Variants in RNMT observed in about 807,000 individuals in gnomAD.
RNMT encodes the protein mRNA cap guanine-N(7) methyltransferase.
A neutral mutation model predicts 56.0 loss-of-function variants in RNMT; 27 were observed. The observed-to-expected ratio is 0.48, with a 90% CI of 0.36 to 0.67. The LOEUF (loss-of-function observed/expected upper bound fraction) is 0.67. Ranked by LOEUF, RNMT falls within the 30% of genes least tolerant of loss-of-function variation. The pLI is 0.00. For synonymous variants in RNMT, 184 were observed against 176.2 expected, an observed-to-expected ratio of 1.04 and a Z score of -0.35; for missense variants, 519 against 552.1, an observed-to-expected ratio of 0.94 and a Z score of 0.60.
intron 10 of RNMT, 52 bp from the exon 11 acceptor site, chr18:13,754,062 G>T: frequency 9.8e-7 from 1 of 1,022,104 alleles, no homozygotes; most frequent in Non-Finnish European, 1.5e-6. Context: ...ATAAGCATAT[G>T]TTTACTTCCA....
At chr18:13,745,678 G>C (rs750206492) in intron 8 of RNMT, among the ~76,000 whole-genome samples, 4 of 149,838 alleles carry the variant, frequency 2.7e-5, no homozygotes, top group Non-Finnish European at 6.0e-5. Context: ...CGATAGCTGG[G>C]GGGTGGAAGT....
chr18:13,730,983 T>G (rs991876079), intron 2 of RNMT, among the ~76,000 whole-genome samples: 1 of 152,242 alleles, frequency 6.6e-6, no homozygotes, highest in East Asian at 1.9e-4. Flanking sequence ...TGAATAAGAT[T>G]ATAGAATTTT....
rs2044066657 is a variant in RNMT, at chr18:13,731,458, A to AT, written c.-42-11dup. On this transcript the variant is annotated splice_polypyrimidine_tract_variant and intron_variant, in intron 2 of 11. Coordinates refer to ENST00000383314, the MANE Select transcript of RNMT (RefSeq NM_003799.3). ...GTCTTAGTGTTTACAAGTAATACCA[A>AT]TTTTTTTCCTATTCTAGTGTTGGTT... 4.7e-5 allele frequency: 66 copies of AT among 1,393,750 alleles called. No individual in the cohort carries two copies. Among genetic ancestry groups the AT allele is most frequent in the Middle Eastern group, 1.9e-4 (1 of 5,402 alleles). The allele number at this position is 1,393,750 out of a possible 1,614,324, so 86.3% of individuals were successfully genotyped here.
intron 1 of RNMT, among the ~76,000 whole-genome samples, chr18:13,729,054 A>T (rs528375163): frequency 6.6e-4 from 101 of 152,332 alleles, no homozygotes; most frequent in African/African-American, 2.4e-3. Context: ...TGCCCAGACC[A>T]GTGTCTTGAA....
At chr18:13,743,586 C>T (rs1180979218) in intron 8 of RNMT, among the ~76,000 whole-genome samples, 1 of 151,960 alleles carries the variant, frequency 6.6e-6, no homozygotes, top group Non-Finnish European at 1.5e-5. Context: ...GGCTTCAAGG[C>T]CTTGTGATAC....
At chr18:13,751,026 A>G (rs191140240) in intron 9 of RNMT, among the ~76,000 whole-genome samples, 92 of 152,324 alleles carry the variant, frequency 6.0e-4, no homozygotes, top group African/African-American at 2.0e-3. Flanking sequence ...AAGAAAACCT[A>G]GGCAATACCA....
At chr18:13,742,371 T>A (rs1215313249) in intron 7 of RNMT, 117 bp from the exon 8 acceptor site, 5 of 905,068 alleles carry the variant, frequency 5.5e-6, no homozygotes, top group Non-Finnish European at 8.4e-6. Context: ...CAGATATAAT[T>A]AAAAGGCTAA....
At chr18:13,754,033 C>T (rs2044501343) in intron 10 of RNMT, 81 bp from the exon 11 acceptor site, 4 of 762,078 alleles carry the variant, frequency 5.2e-6, no homozygotes, top group Non-Finnish European at 8.9e-6. Flanking sequence ...TTTTGGCCAT[C>T]TCTGCCCATT....
intron 8 of RNMT, among the ~76,000 whole-genome samples, chr18:13,743,490 T>G (rs1390779707): frequency 6.6e-6 from 1 of 152,140 alleles, no homozygotes; most frequent in East Asian, 1.9e-4. Flanking sequence ...TTCAGGAATG[T>G]ATTCTCCCAT....
At chr18:13,748,732 G>T (rs2044390772) in intron 9 of RNMT, among the ~76,000 whole-genome samples, 1 of 152,114 alleles carries the variant, frequency 6.6e-6, no homozygotes, top group African/African-American at 2.4e-5. Context: ...ATATTCTAGG[G>T]ACAGTTCTGG....
intron 11 of RNMT, 81 bp downstream of exon 11, chr18:13,754,228 T>A: frequency 1.1e-6 from 1 of 922,878 alleles, no homozygotes; most frequent in Non-Finnish European, 1.7e-6. Flanking sequence ...GAAAAAAGGC[T>A]GGGCACTGTG....
Position 13,761,783 on chromosome 18 carries a change from A to G in RNMT, c.*1804A>G. 2.4e-5 allele frequency: 30 copies of G among 1,264,028 alleles called. No homozygotes were observed. Among genetic ancestry groups the G allele is most frequent in the Non-Finnish European group, 2.7e-5 (27 of 997,864 alleles). The allele number at this position is 1,264,028 out of a possible 1,614,324, so 78.3% of individuals were successfully genotyped here. ...CCTGCAGGCGCTGTGTTCAGGCACCACCTTCCTCCTTGAGCTTTGCCTGTC... is the reference window on the plus strand; with the variant it reads ...CCTGCAGGCGCTGTGTTCAGGCACCGCCTTCCTCCTTGAGCTTTGCCTGTC... On this transcript the variant is annotated 3_prime_UTR_variant, in exon 12 of 12. Coordinates refer to ENST00000383314, the MANE Select transcript of RNMT (RefSeq NM_003799.3).
intron 9 of RNMT, among the ~76,000 whole-genome samples, chr18:13,748,765 G>T (rs1021539571): frequency 6.6e-6 from 1 of 152,142 alleles, no homozygotes; most frequent in African/African-American, 2.4e-5. Context: ...TTTTAGAGGA[G>T]ACACTAAGAT....
Position 13,762,341 on chromosome 18 carries a change from TG to T in RNMT, c.*2364del. The stretch of plus-strand genomic sequence containing the variant: ...GTGGCTTGTGTTCAGGGAGAGGAGC[TG>T]GCAGTTTTTAACCACTTCTGTGGGA... On this transcript the variant is annotated 3_prime_UTR_variant, in exon 12 of 12. Coordinates refer to ENST00000383314, the MANE Select transcript of RNMT (RefSeq NM_003799.3). 4.3e-6 allele frequency: 3 copies of T among 694,108 alleles called. No homozygotes were observed. Among genetic ancestry groups the T allele is most frequent in the Non-Finnish European group, 7.0e-6 (3 of 431,258 alleles). The allele number at this position is 694,108 out of a possible 1,614,324, so 43.0% of individuals were successfully genotyped here.
At chr18:13,733,749 A>G (rs915637773) in intron 3 of RNMT, among the ~76,000 whole-genome samples, 6 of 152,210 alleles carry the variant, frequency 3.9e-5, no homozygotes, top group African/African-American at 1.4e-4. Flanking sequence ...ATTATAGCTT[A>G]TTCCTAATTT....
At chr18:13,755,436 C>G (rs1378349083) in intron 11 of RNMT, among the ~76,000 whole-genome samples, 1 of 152,192 alleles carries the variant, frequency 6.6e-6, no homozygotes, top group South Asian at 2.1e-4. Flanking sequence ...AGTATTATAT[C>G]TCCTTTCACA....
Position 13,750,648 on chromosome 18 carries a change from T to A in RNMT, c.1258-1678T>A, listed in dbSNP as rs557526937. 1.1e-3 allele frequency among the ~76,000 whole-genome samples: 165 copies of A among 152,132 alleles called. 2 individuals are homozygous for A. Among genetic ancestry groups the A allele is most frequent in the African/African-American group, 3.8e-3 (157 of 41,510 alleles). The stretch of plus-strand genomic sequence containing the variant: ...AACCTTGTCCCTACAAAAAAATTTT[T>A]AAAAATTAGCCAGCATAGTGGCTTG... On this transcript the variant is annotated intron_variant, in intron 9 of 11. Coordinates refer to ENST00000383314, the MANE Select transcript of RNMT (RefSeq NM_003799.3).
Position 13,762,269 on chromosome 18 carries a change from G to A in RNMT, c.*2290G>A, listed in dbSNP as rs1463762405. ...GCTGGATTGTGATTTAACCAAGAAT[G>A]CTGATGTTGAATTCTTTGGGCCTAG... is the stretch of plus-strand genomic sequence containing the variant. On this transcript the variant is annotated 3_prime_UTR_variant, in exon 12 of 12. Coordinates refer to ENST00000383314, the MANE Select transcript of RNMT (RefSeq NM_003799.3). The A allele has an allele frequency of 2.5e-6, 3 of 1,221,066 alleles. No individual in the cohort carries two copies. Among genetic ancestry groups the A allele is most frequent in the Non-Finnish European group, 3.3e-6 (3 of 898,676 alleles). 75.6% of individuals were successfully genotyped at this position (1,221,066 alleles called of 1,614,324 possible).
At position 13,763,901 on chromosome 18, in the gene RNMT, A is replaced by C. The variant is rs1379115658; in HGVS notation, c.*3922A>C. 6.6e-6 allele frequency: 1 copy of C among 152,230 alleles called. No homozygotes were observed. Among genetic ancestry groups the C allele is most frequent in the African/African-American group, 2.4e-5 (1 of 41,432 alleles). The allele number at this position is 152,230 out of a possible 1,614,324, so 9.4% of individuals were successfully genotyped here. ...ACTTACTTAGATGTTCCCTGAGAGG[A>C]GTGTTTATTTCTGAGTAAGGGGCTT... On this transcript the variant is annotated 3_prime_UTR_variant, in exon 12 of 12. Transcript: ENST00000383314.
Sources: allele counts gnomAD v4.1 joint callset (sites outside exome capture counted in the v4.1 genomes callset), GRCh38; gene constraint gnomAD v4.1.1; transcripts MANE v1.5; gene names NCBI Gene and HGNC (gene_info 2026-07-23, HGNC 2026-07-21).